The following DOP1A variants were observed in gnomAD, a reference collection of about 807,000 sequenced individuals.
DOP1A encodes the protein protein DOP1A.
DOP1A carries 90 observed loss-of-function variants against 267.6 expected under a neutral mutation model. The ratio of observed to expected loss-of-function variants is 0.34; its 90% CI spans 0.28 to 0.40. DOP1A has a LOEUF of 0.40. Ranked by LOEUF, DOP1A falls within the 10% of genes least tolerant of loss-of-function variation. DOP1A has a pLI of 1.00. For synonymous variants in DOP1A, 932 were observed against 999.1 expected, an observed-to-expected ratio of 0.93 and a Z score of 1.27; for missense variants, 2,437 against 2,900.4, an observed-to-expected ratio of 0.84 and a Z score of 3.67.
At chr6:83,078,153 A>G (rs976075058) in intron 1 of DOP1A, among the ~76,000 whole-genome samples, 9 of 152,224 alleles carry the variant, frequency 5.9e-5, no homozygotes, top group Admixed American at 3.9e-4. Flanking sequence ...AACAGTGGAC[A>G]ATTGCCTAGG....
chr6:83,165,500 T>A (rs1369233794), intron 38 of DOP1A: 1 of 154,526 alleles, frequency 6.5e-6, no homozygotes, highest in Admixed American at 6.5e-5. Context: ...CAAATCTTTA[T>A]TAATTAAAAT....
intron 16 of DOP1A, 121 bp from the exon 17 acceptor site, chr6:83,130,002 G>A: frequency 8.2e-7 from 1 of 1,217,268 alleles, no homozygotes; most frequent in Non-Finnish European, 1.1e-6. Context: ...GAGAAACCAT[G>A]GTTTTGTTAA....
intron 38 of DOP1A, chr6:83,166,305 G>A: frequency 1.6e-6 from 1 of 640,892 alleles, no homozygotes; most frequent in South Asian, 1.9e-5. Flanking sequence ...GTTCTCAATT[G>A]GTCATTATCA....
intron 35 of DOP1A, 70 bp downstream of exon 35, chr6:83,157,388 AC>A: frequency 6.7e-7 from 1 of 1,500,572 alleles, no homozygotes; most frequent in Non-Finnish European, 9.2e-7. Context: ...CCATGTGCTT[AC>A]TAGATATTAA....
intron 1 of DOP1A, among the ~76,000 whole-genome samples, chr6:83,080,886 A>G (rs553428191): frequency 3.3e-5 from 5 of 152,206 alleles, no homozygotes. Context: ...CATTCTTCAC[A>G]GAAATAGAAA....
chr6:83,106,282 G>C (rs150393432), intron 4 of DOP1A, among the ~76,000 whole-genome samples: 3 of 152,190 alleles, frequency 2.0e-5, no homozygotes, highest in African/African-American at 7.2e-5. Context: ...ATTTAGATGA[G>C]TATGTAAAGT....
chr6:83,068,473 G>A (rs1164837338), intron 1 of DOP1A, among the ~76,000 whole-genome samples: 2 of 152,200 alleles, frequency 1.3e-5, no homozygotes, highest in African/African-American at 2.4e-5. Context: ...AGTAAATTGT[G>A]TTTGAACATT....
At chr6:83,088,883 T>A (rs1474028709) in intron 1 of DOP1A, among the ~76,000 whole-genome samples, 1 of 152,250 alleles carries the variant, frequency 6.6e-6, no homozygotes, top group Non-Finnish European at 1.5e-5. Flanking sequence ...TGGTTACATC[T>A]GTTAGATGGT....
chr6:83,163,058 T>G (rs1784606075), intron 38 of DOP1A, 139 bp downstream of exon 38: 1 of 876,592 alleles, frequency 1.1e-6, no homozygotes. Flanking sequence ...TTTTGAGAGT[T>G]AATGTCCATA....
At chr6:83,115,532 C>T (rs1351563114) in intron 7 of DOP1A, among the ~76,000 whole-genome samples, 1 of 152,086 alleles carries the variant, frequency 6.6e-6, no homozygotes, top group Admixed American at 6.5e-5. Flanking sequence ...ACCATCCTGG[C>T]TAACACGGTG....
At chr6:83,146,090 A>G (rs1780597022) in intron 25 of DOP1A, among the ~76,000 whole-genome samples, 2 of 152,220 alleles carry the variant, frequency 1.3e-5, no homozygotes, top group Non-Finnish European at 1.5e-5. Flanking sequence ...GTTCTAGTCA[A>G]TGTCATTTCT....
At chr6:83,139,187 T>C in intron 21 of DOP1A, 25 bp downstream of exon 21, 1 of 1,551,564 alleles carries the variant, frequency 6.4e-7, no homozygotes, top group Non-Finnish European at 8.8e-7. Flanking sequence ...TTAACTTTAT[T>C]GGTACTGACA....
At chr6:83,147,316 CCTTA>C in intron 26 of DOP1A, 25 bp downstream of exon 26, 1 of 1,275,696 alleles carries the variant, frequency 7.8e-7, no homozygotes, top group Non-Finnish European at 1.1e-6. Flanking sequence ...ATTGATCTGT[CCTTA>C]CTATGTTGCT....
chr6:83,081,049 A>G (rs1030693158), intron 1 of DOP1A, among the ~76,000 whole-genome samples: 2 of 152,212 alleles, frequency 1.3e-5, no homozygotes, highest in Non-Finnish European at 2.9e-5. Context: ...CTGGCATAAG[A>G]ACAGACAGAC....
intron 15 of DOP1A, 26 bp downstream of exon 15, chr6:83,125,759 T>G: frequency 6.4e-7 from 1 of 1,568,380 alleles, no homozygotes; most frequent in Non-Finnish European, 8.7e-7. Flanking sequence ...ATTTTTGGTA[T>G]TAGACTGTTC....
At position 83,140,070 on chromosome 6, in the gene DOP1A, A is replaced by T; in HGVS notation, c.5191A>T (p.Ile1731Phe). ...LTLLEGITAI[I>F]HYCLLDPTTQ... Reference sequence around the variant, plus strand: ...TCTTTTGGAAGGGATTACAGCCATTATCCATTACTGTTTGTTGGATCCAAC... The same window carrying T: ...TCTTTTGGAAGGGATTACAGCCATTTTCCATTACTGTTTGTTGGATCCAAC... The change falls in exon 22 of 39, where the codon ATC becomes TTC. Residue 1731 changes from isoleucine to phenylalanine, a missense_variant. This residue lies in a region of DOP1A where 307 missense variants were observed against 308.6 expected (regional missense o/e 0.99). Transcript: ENST00000349129. 1 of 1,613,768 alleles carries T rather than the reference A, an allele frequency of 6.2e-7. No homozygotes were observed. The highest frequency in any genetic ancestry group is 8.5e-7 in the Non-Finnish European group (1 of 1,179,780).
chr6:83,081,886 T>C (rs1768142027), intron 1 of DOP1A, among the ~76,000 whole-genome samples: 1 of 152,132 alleles, frequency 6.6e-6, no homozygotes, highest in Admixed American at 6.5e-5. Context: ...AGTAGACATT[T>C]CCTAAAGGAA....
chr6:83,112,435 A>T (rs1032919191), intron 6 of DOP1A, among the ~76,000 whole-genome samples: 11 of 152,126 alleles, frequency 7.2e-5, no homozygotes, highest in African/African-American at 2.7e-4. Flanking sequence ...ACTGGTGGGA[A>T]TATAAAGTGA....
At chr6:83,104,791 G>T (rs1773286757) in intron 4 of DOP1A, among the ~76,000 whole-genome samples, 1 of 151,944 alleles carries the variant, frequency 6.6e-6, no homozygotes, top group African/African-American at 2.4e-5. Context: ...AGGATCTATA[G>T]TGATGTCTCC....
Sources: allele counts gnomAD v4.1 joint callset (sites outside exome capture counted in the v4.1 genomes callset), GRCh38; gene constraint gnomAD v4.1.1; regional missense constraint gnomAD v4.1.1; transcripts MANE v1.5; gene names NCBI Gene and HGNC (gene_info 2026-07-23, HGNC 2026-07-21).